REDIC1: variants seen among roughly 807,000 people sequenced by gnomAD.
The protein encoded by REDIC1 is HEI10 Interacting Protein 1.
the REDIC1 span, among the ~76,000 whole-genome samples, chr12:39,782,050 G>A: frequency 1.3e-5 from 2 of 152,172 alleles, no homozygotes; most frequent in African/African-American, 2.4e-5. Context: ...GTACTTGGTG[G>A]GGTCGAGGTA....
chr12:39,666,210 A>T, the REDIC1 span, among the ~76,000 whole-genome samples: 1 of 152,116 alleles, frequency 6.6e-6, no homozygotes, highest in African/African-American at 2.4e-5. Context: ...GTTTGTCATA[A>T]ATAGCTCTTA....
At chr12:39,680,250 C>T in the REDIC1 span, among the ~76,000 whole-genome samples, 3 of 152,120 alleles carry the variant, frequency 2.0e-5, no homozygotes, top group African/African-American at 7.2e-5. Context: ...GGACTAACAT[C>T]CAGAATCTAC....
chr12:39,680,790 T>G, the REDIC1 span, among the ~76,000 whole-genome samples: 26 of 150,560 alleles, frequency 1.7e-4, no homozygotes, highest in Non-Finnish European at 3.4e-4. Context: ...ACACACACTC[T>G]CTCACACACT....
At chr12:39,704,690 A>G in the REDIC1 span, among the ~76,000 whole-genome samples, 3 of 152,236 alleles carry the variant, frequency 2.0e-5, no homozygotes, top group African/African-American at 4.8e-5. Flanking sequence ...CAACAATGAT[A>G]GACTAGATTA....
the REDIC1 span, among the ~76,000 whole-genome samples, chr12:39,712,683 A>C: frequency 7.0e-6 from 1 of 142,768 alleles, no homozygotes. Context: ...GTATATATGT[A>C]TATATACGTA....
chr12:39,845,258 ACT>A, the REDIC1 span, among the ~76,000 whole-genome samples: 2 of 151,830 alleles, frequency 1.3e-5, no homozygotes, highest in Non-Finnish European at 2.9e-5. Flanking sequence ...CTTAAAATTG[ACT>A]CTCTTTTTGG....
At chr12:39,862,381 A>T in the REDIC1 span, among the ~76,000 whole-genome samples, 3 of 152,156 alleles carry the variant, frequency 2.0e-5, no homozygotes, top group Non-Finnish European at 4.4e-5. Flanking sequence ...TGAACTGCAT[A>T]CTCATCACTG....
the REDIC1 span, chr12:39,684,338 T>C: frequency 1.2e-6 from 1 of 841,798 alleles, no homozygotes; most frequent in East Asian, 1.2e-4. Flanking sequence ...TTCTTGGTAA[T>C]AATTACAATT....
At chr12:39,878,140 A>C in the REDIC1 span, among the ~76,000 whole-genome samples, 1 of 152,206 alleles carries the variant, frequency 6.6e-6, no homozygotes, top group African/African-American at 2.4e-5. Context: ...GGAGTAAACC[A>C]ATTATACCTC....
chr12:39,712,397 T>G, the REDIC1 span, among the ~76,000 whole-genome samples: 1 of 134,034 alleles, frequency 7.5e-6, no homozygotes, highest in Admixed American at 7.7e-5. Context: ...TATACCTGTA[T>G]GTATATATAC....
At chr12:39,822,422 A>G in the REDIC1 span, among the ~76,000 whole-genome samples, 1 of 152,176 alleles carries the variant, frequency 6.6e-6, no homozygotes, top group Non-Finnish European at 1.5e-5. Flanking sequence ...ATATCTAAAT[A>G]AGGCTCTTTA....
chr12:39,779,238 A>T, the REDIC1 span, among the ~76,000 whole-genome samples: 2 of 152,254 alleles, frequency 1.3e-5, no homozygotes, highest in South Asian at 4.1e-4. Flanking sequence ...TGAGTTATCC[A>T]TAAAATGAGT....
the REDIC1 span, among the ~76,000 whole-genome samples, chr12:39,712,597 A>G: frequency 2.1e-5 from 3 of 144,868 alleles, no homozygotes; most frequent in East Asian, 6.2e-4. Context: ...ATACGTATAT[A>G]CATATATATG....
chr12:39,706,109 CAAA>C, the REDIC1 span, among the ~76,000 whole-genome samples: 2 of 151,868 alleles, frequency 1.3e-5, no homozygotes, highest in African/African-American at 4.8e-5. Context: ...TTGATAAAAT[CAAA>C]AAAGTTGCAG....
chr12:39,743,432 G>C, the REDIC1 span, among the ~76,000 whole-genome samples: 1 of 152,116 alleles, frequency 6.6e-6, no homozygotes, highest in Admixed American at 6.5e-5. Flanking sequence ...CTTTAGCCCA[G>C]TACAGTATGT....
chr12:39,898,314 G>A, the REDIC1 span, among the ~76,000 whole-genome samples: 244 of 152,198 alleles, frequency 1.6e-3, 1 homozygote, highest in African/African-American at 5.6e-3. Flanking sequence ...ACACCCACAT[G>A]CCCAAAACAT....
At chr12:39,649,953 G>T in the REDIC1 span, among the ~76,000 whole-genome samples, 1 of 151,520 alleles carries the variant, frequency 6.6e-6, no homozygotes, top group Non-Finnish European at 1.5e-5. Flanking sequence ...TGTCCTGGGT[G>T]TTTTTTTGTT....
chr12:39,734,194 G>A, the REDIC1 span, among the ~76,000 whole-genome samples: 3 of 152,154 alleles, frequency 2.0e-5, no homozygotes, highest in Admixed American at 1.3e-4. Flanking sequence ...TCCTGGGTGA[G>A]GCGACGCCCC....
chr12:39,854,101 C>CAA, the REDIC1 span, among the ~76,000 whole-genome samples: 1 of 137,156 alleles, frequency 7.3e-6, no homozygotes, highest in Non-Finnish European at 1.6e-5. Context: ...TTGACATAAG[C>CAA]AAAAAAAAAA....
Sources: gnomAD v4.1 joint callset for allele counts (sites outside exome capture counted in the v4.1 genomes callset) on GRCh38, gnomAD v4.1.1 for gene constraint, MANE v1.5 for transcripts, NCBI Gene and HGNC (gene_info 2026-07-23, HGNC 2026-07-21) for gene names.